Variants in AKT3 observed in about 807,000 individuals in gnomAD.
AKT3 encodes the protein RAC-gamma serine/threonine-protein kinase.
In AKT3, 15 loss-of-function variants were observed where a neutral mutation model predicts 65.3. The observed-to-expected ratio is 0.23, with a 90% CI of 0.15 to 0.35. The LOEUF is 0.35. Ranked by LOEUF, AKT3 falls within the 10% of genes least tolerant of loss-of-function variation. The pLI is 1.00. For missense variants in AKT3, 243 were observed against 576.5 expected, an observed-to-expected ratio of 0.42 and a Z score of 5.92; for synonymous variants, 206 against 183.8, an observed-to-expected ratio of 1.12 and a Z score of -0.98.
At chr1:243,541,798 T>C (rs987870121) in intron 12 of AKT3, among the ~76,000 whole-genome samples, 2 of 152,212 alleles carry the variant, frequency 1.3e-5, no homozygotes, top group Non-Finnish European at 2.9e-5. Flanking sequence ...GTGCAGAGAA[T>C]TGTAAGTAAT....
chr1:243,746,246 G>C (rs989683687), intron 2 of AKT3, among the ~76,000 whole-genome samples: 1 of 151,760 alleles, frequency 6.6e-6, no homozygotes, highest in Non-Finnish European at 1.5e-5. Flanking sequence ...TTGCCTATCA[G>C]TCCCAGGTCT....
At chr1:243,799,005 G>C (rs1692218962) in intron 2 of AKT3, among the ~76,000 whole-genome samples, 1 of 152,172 alleles carries the variant, frequency 6.6e-6, no homozygotes, top group Admixed American at 6.5e-5. Flanking sequence ...TGTGGCCCTG[G>C]CTTCAACAGT....
At position 243,684,099 on chromosome 1, in the gene AKT3, A is replaced by T. The variant is rs561639478; in HGVS notation, c.172+11492T>A. Among the ~76,000 whole-genome samples, 226 of 147,860 alleles carry T rather than the reference A, an allele frequency of 1.5e-3. 1 individual carries two copies. The highest frequency in any genetic ancestry group is 5.4e-3 in the African/African-American group (218 of 40,418). ...GATCCAATGGTGTTAGATCTTATTT[A>T]TTTTTTTTTTAGCAATCAATATATG... On this transcript the variant is annotated intron_variant, in intron 3 of 13. Coordinates refer to ENST00000673466, the MANE Select transcript of AKT3 (RefSeq NM_005465.7).
intron 2 of AKT3, among the ~76,000 whole-genome samples, chr1:243,791,300 C>T (rs184460430): frequency 0.014 from 1,828 of 134,592 alleles, 15 homozygotes; most frequent in Non-Finnish European, 0.02. Context: ...TTTTTTTTTT[C>T]TCAAGTATTT....
At chr1:243,821,167 G>A (rs1225869394) in intron 2 of AKT3, among the ~76,000 whole-genome samples, 7 of 152,092 alleles carry the variant, frequency 4.6e-5, no homozygotes, top group African/African-American at 1.4e-4. Flanking sequence ...AGAATTTCAT[G>A]TCCAGCCAAA....
chr1:243,834,896 A>T (rs181190661), intron 2 of AKT3, among the ~76,000 whole-genome samples: 1 of 152,324 alleles, frequency 6.6e-6, no homozygotes, highest in Admixed American at 6.5e-5. Flanking sequence ...ATAAGGCAAA[A>T]AATATATAAC....
chr1:243,517,448 C>T (rs1002234850), intron 12 of AKT3, among the ~76,000 whole-genome samples: 2 of 152,064 alleles, frequency 1.3e-5, no homozygotes, highest in African/African-American at 4.8e-5. Context: ...GTCTATTTTT[C>T]CTTATATTAG....
At chr1:243,845,103 A>G (rs1246089388) in intron 1 of AKT3, among the ~76,000 whole-genome samples, 1 of 152,198 alleles carries the variant, frequency 6.6e-6, no homozygotes, top group Non-Finnish European at 1.5e-5. Context: ...GCGCTAAATT[A>G]GACTACAGGT....
In AKT3 at chr1:243,645,878, G is replaced by C; in HGVS notation, c.429+15C>G. On this transcript the variant is annotated intron_variant, in intron 5 of 13. Transcript: ENST00000673466. ...CAAATGAATGCTGTGCTGGGAATAAGTTATTATTTTCTACCTTTCTTTTAT... is the reference window on the plus strand; with the variant it reads ...CAAATGAATGCTGTGCTGGGAATAACTTATTATTTTCTACCTTTCTTTTAT... The C allele has an allele frequency of 3.8e-6, 6 of 1,595,320 alleles. No homozygotes were observed. Among genetic ancestry groups the C allele is most frequent in the Non-Finnish European group, 5.1e-6 (6 of 1,170,826 alleles).
intron 2 of AKT3, among the ~76,000 whole-genome samples, chr1:243,739,902 CCTTT>C (rs1192105441): frequency 6.6e-6 from 1 of 152,184 alleles, no homozygotes; most frequent in Non-Finnish European, 1.5e-5. Flanking sequence ...TTTTTAGAGC[CCTTT>C]CTGTTACACA....
chr1:243,779,573 T>A (rs1690775678), intron 2 of AKT3, among the ~76,000 whole-genome samples: 1 of 152,060 alleles, frequency 6.6e-6, no homozygotes, highest in South Asian at 2.1e-4. Flanking sequence ...GATAAATAAT[T>A]AACCAAAATA....
At chr1:243,708,079 C>T (rs867121098) in intron 2 of AKT3, among the ~76,000 whole-genome samples, 5 of 151,972 alleles carry the variant, frequency 3.3e-5, no homozygotes, top group South Asian at 2.1e-4. Context: ...AAAACGCACC[C>T]GCCAAGTAAA....
chr1:243,789,257 G>C (rs1181707247), intron 2 of AKT3, among the ~76,000 whole-genome samples: 1 of 152,192 alleles, frequency 6.6e-6, no homozygotes, highest in Admixed American at 6.5e-5. Context: ...ACAGTGGTGT[G>C]TGACTGTGGT....
chr1:243,801,892 T>C (rs894104082), intron 2 of AKT3, among the ~76,000 whole-genome samples: 1 of 152,206 alleles, frequency 6.6e-6, no homozygotes, highest in East Asian at 1.9e-4. Context: ...ATCCAAAAAC[T>C]GAAGAAGGCC....
At position 243,743,256 on chromosome 1, in the gene AKT3, T is replaced by C. The variant is rs537174484; in HGVS notation, c.47-47540A>G. ...GGCAGATCAACTTTTAATTATACCC[T>C]CTACAATGCCTAATAATTTTACCCT... On this transcript the variant is annotated intron_variant, in intron 2 of 13. Coordinates refer to ENST00000673466, the MANE Select transcript of AKT3 (RefSeq NM_005465.7). Among the ~76,000 whole-genome samples the C allele has an allele frequency of 1.8e-4, 27 of 152,316 alleles. No homozygotes were observed. The East Asian group carries it at 4.6e-3, about 26-fold the overall frequency.
At chr1:243,575,010 G>A (rs1674839536) in intron 8 of AKT3, among the ~76,000 whole-genome samples, 1 of 152,080 alleles carries the variant, frequency 6.6e-6, no homozygotes, top group Admixed American at 6.6e-5. Flanking sequence ...AAATATATCA[G>A]CTAAAAATTA....
At chr1:243,645,150 T>C (rs1341707196) in intron 5 of AKT3, among the ~76,000 whole-genome samples, 3 of 152,186 alleles carry the variant, frequency 2.0e-5, no homozygotes, top group South Asian at 2.1e-4. Context: ...CCAAATTTCA[T>C]GGATAATACC....
At chr1:243,488,309 G>T (rs1019709741) in exon 14 of AKT3, 3 of 152,572 alleles carry the variant, frequency 2.0e-5, no homozygotes, top group Admixed American at 6.5e-5. Flanking sequence ...GTGCCTGCTG[G>T]TGCTTTTGAT....
chr1:243,767,403 T>C (rs199615889), intron 2 of AKT3, among the ~76,000 whole-genome samples: 1 of 152,178 alleles, frequency 6.6e-6, no homozygotes, highest in African/African-American at 2.4e-5. Context: ...TCGTTGATCA[T>C]AATTAATCAC....
Sources: allele counts gnomAD v4.1 joint callset (sites outside exome capture counted in the v4.1 genomes callset), GRCh38; gene constraint gnomAD v4.1.1; transcripts MANE v1.5; gene names NCBI Gene and HGNC (gene_info 2026-07-23, HGNC 2026-07-21).